The following CNTN6 variants were observed in gnomAD, a reference collection of about 807,000 sequenced individuals.
The protein encoded by CNTN6 is contactin 6, also known as contactin-6.
In CNTN6, 137 loss-of-function variants were observed where a neutral mutation model predicts 122.8. The observed-to-expected ratio is 1.12, with a 90% CI of 0.97 to 1.29. The LOEUF is 1.29. Among genes scored for constraint, CNTN6 ranks in the 50% most tolerant of loss-of-function variants. The probability of loss-of-function intolerance (pLI) is 0.00; values close to 1 mark genes in which losing one functional copy is unlikely to be tolerated. For synonymous variants in CNTN6, 570 were observed against 426.0 expected (o/e 1.34, Z -4.16); for missense variants, 1,634 against 1,223.4 (o/e 1.34, Z -5.01).
At chr3:1,378,730 A>G (rs1259850216) in intron 17 of CNTN6, among the ~76,000 whole-genome samples, 1 of 152,166 alleles carries the variant, frequency 6.6e-6, no homozygotes, top group Admixed American at 6.6e-5. Flanking sequence ...GAAAACTGAG[A>G]CTTAGAAAAG....
At chr3:1,352,543 G>A (rs138275838) in intron 12 of CNTN6, 92 bp downstream of exon 12, 28 of 1,450,374 alleles carry the variant, frequency 1.9e-5, no homozygotes, top group Middle Eastern at 3.7e-4. Context: ...GTACCATATT[G>A]TGTATGTAAA....
At chr3:1,106,420 T>A (rs1157149215) in intron 1 of CNTN6, among the ~76,000 whole-genome samples, 1 of 152,084 alleles carries the variant, frequency 6.6e-6, no homozygotes, top group African/African-American at 2.4e-5. Context: ...GGTGTTTGAC[T>A]TTGCCAAAGA....
chr3:1,119,864 C>G (rs1219438355), intron 1 of CNTN6, among the ~76,000 whole-genome samples: 1 of 152,030 alleles, frequency 6.6e-6, no homozygotes, highest in African/African-American at 2.4e-5. Context: ...CAAGAAAGTA[C>G]TTTCACACTT....
intron 2 of CNTN6, among the ~76,000 whole-genome samples, chr3:1,178,000 A>T (rs2093482896): frequency 6.6e-6 from 1 of 151,392 alleles, no homozygotes; most frequent in Non-Finnish European, 1.5e-5. Context: ...TCCCGGATTC[A>T]AGCAATTCTC....
intron 1 of CNTN6, among the ~76,000 whole-genome samples, chr3:1,134,008 T>TC (rs2092406964): frequency 6.6e-6 from 1 of 151,774 alleles, no homozygotes; most frequent in African/African-American, 2.4e-5. Flanking sequence ...TTAATCTTTT[T>TC]TTTCAGACTA....
chr3:1,303,760 G>A (rs1361460617), intron 7 of CNTN6, among the ~76,000 whole-genome samples: 1 of 152,032 alleles, frequency 6.6e-6, no homozygotes, highest in East Asian at 1.9e-4. Context: ...TCTTGTTGTT[G>A]AATGCTAAAT....
chr3:1,171,100 T>A (rs1270688938), intron 2 of CNTN6, among the ~76,000 whole-genome samples: 5 of 152,302 alleles, frequency 3.3e-5, no homozygotes, highest in Admixed American at 2.6e-4. Flanking sequence ...ATGGACCAGA[T>A]CTTAAGACTC....
intron 10 of CNTN6, 115 bp downstream of exon 10, chr3:1,327,701 A>C: frequency 4.9e-6 from 5 of 1,024,928 alleles, no homozygotes; most frequent in East Asian, 2.6e-5. Context: ...CCATCAAATA[A>C]TGGGAAATGT....
At chr3:1,207,981 T>C (rs2093980917) in intron 2 of CNTN6, among the ~76,000 whole-genome samples, 1 of 151,966 alleles carries the variant, frequency 6.6e-6, no homozygotes, top group South Asian at 2.1e-4. Flanking sequence ...TCACATCAAA[T>C]CATTTATAAT....
At chr3:1,276,033 A>T (rs1429562786) in intron 4 of CNTN6, among the ~76,000 whole-genome samples, 2 of 152,208 alleles carry the variant, frequency 1.3e-5, no homozygotes, top group Admixed American at 1.3e-4. Context: ...AATTTGTTCC[A>T]ATTAGACCAT....
intron 4 of CNTN6, among the ~76,000 whole-genome samples, chr3:1,259,496 A>G (rs2094810440): frequency 6.6e-6 from 1 of 152,126 alleles, no homozygotes; most frequent in Admixed American, 6.6e-5. Context: ...GATTACTATT[A>G]TTATTTAAAT....
intron 11 of CNTN6, among the ~76,000 whole-genome samples, chr3:1,339,131 AT>A (rs975702286): frequency 1.3e-5 from 2 of 151,586 alleles, no homozygotes; most frequent in African/African-American, 4.8e-5. Context: ...AACTTTTTAA[AT>A]TTTTTTTCAA....
intron 7 of CNTN6, among the ~76,000 whole-genome samples, chr3:1,309,705 T>C (rs972326157): frequency 2.6e-5 from 4 of 152,214 alleles, no homozygotes; most frequent in Non-Finnish European, 4.4e-5. Context: ...GACTTAAATC[T>C]ATTGATCAAG....
chr3:1,152,885 C>A (rs1575037638), intron 2 of CNTN6, among the ~76,000 whole-genome samples: 1 of 152,080 alleles, frequency 6.6e-6, no homozygotes, highest in Admixed American at 6.6e-5. Flanking sequence ...TCAATGGCTG[C>A]TATTATAACT....
chr3:1,389,461 C>T (rs1693755254), intron 20 of CNTN6, among the ~76,000 whole-genome samples: 1 of 151,910 alleles, frequency 6.6e-6, no homozygotes, highest in Non-Finnish European at 1.5e-5. Context: ...CAAAATCATG[C>T]CAAAATGTAA....
At chr3:1,337,595 G>T (rs943260947) in intron 11 of CNTN6, among the ~76,000 whole-genome samples, 4 of 152,078 alleles carry the variant, frequency 2.6e-5, no homozygotes, top group Non-Finnish European at 5.9e-5. Flanking sequence ...TAGTACGTCA[G>T]GTAGCATGAG....
At chr3:1,355,221 ATACT>A (rs1469854951) in intron 12 of CNTN6, among the ~76,000 whole-genome samples, 2 of 151,674 alleles carry the variant, frequency 1.3e-5, no homozygotes, top group Non-Finnish European at 3.0e-5. Context: ...AAACATGTAC[ATACT>A]TAACCACACA....
chr3:1,287,691 A>C (rs1009813366), intron 5 of CNTN6, among the ~76,000 whole-genome samples: 1 of 152,242 alleles, frequency 6.6e-6, no homozygotes, highest in Middle Eastern at 3.4e-3. Flanking sequence ...GAAAAAAGCT[A>C]TCTCTAATCA....
chr3:1,381,168 G>C (rs576756886), intron 17 of CNTN6, among the ~76,000 whole-genome samples: 8 of 152,238 alleles, frequency 5.3e-5, no homozygotes, highest in African/African-American at 1.7e-4. Context: ...ACTAAGCATC[G>C]TGATTAAATC....
Sources: gnomAD v4.1 joint callset for allele counts (sites outside exome capture counted in the v4.1 genomes callset) on GRCh38, gnomAD v4.1.1 for gene constraint, MANE v1.5 for transcripts, NCBI Gene and HGNC (gene_info 2026-07-23, HGNC 2026-07-21) for gene names.